DOCK9: variants seen among roughly 807,000 people sequenced by gnomAD.
The protein encoded by DOCK9 is dedicator of cytokinesis protein 9.
DOCK9 carries 89 observed loss-of-function variants against 263.3 expected under a neutral mutation model. The ratio of observed to expected loss-of-function variants is 0.34; its 90% CI spans 0.28 to 0.40. The LOEUF is 0.40. Among genes scored for constraint, DOCK9 ranks in the 10% least tolerant of loss-of-function variants. The probability of loss-of-function intolerance (pLI) is 1.00; values close to 1 mark genes in which losing one functional copy is unlikely to be tolerated. For synonymous variants in DOCK9, 976 were observed against 973.1 expected (o/e 1.00, Z -0.06); for missense variants, 2,140 against 2,603.4 (o/e 0.82, Z 3.87).
In DOCK9 at chr13:98,863,585, A is replaced by G. The variant is rs753404383; in HGVS notation, c.3287-37T>C. ...ATAGAAACTACTTGAGTTAGGAAAG[A>G]TGCAATGCTCTTTGAATAAAACAAA... On this transcript the variant is annotated intron_variant, in intron 30 of 52. Transcript: ENST00000682017. The G allele has an allele frequency of 1.9e-6, 3 of 1,558,022 alleles. No homozygotes were observed. The Admixed American group carries it at 5.7e-5, about 30-fold the overall frequency.
At position 99,053,139 on chromosome 13, in the gene DOCK9, G is replaced by A. The variant is rs553650258; in HGVS notation, c.129+33084C>T. Among the ~76,000 whole-genome samples, 16 of 152,158 alleles carry A rather than the reference G, an allele frequency of 1.1e-4. No homozygotes were observed. The East Asian group carries it at 1.2e-3, about 11-fold the overall frequency. On this transcript the variant is annotated intron_variant, in intron 1 of 32. Coordinates refer to the DOCK9 transcript ENST00000427887. ...AGATTACCACTAACATCACTCCTGC[G>A]CCCTCTCCCAGCTGCCACTGTGTTC...
At chr13:98,889,428 A>G (rs1473930725) in intron 15 of DOCK9, among the ~76,000 whole-genome samples, 1 of 152,368 alleles carries the variant, frequency 6.6e-6, no homozygotes, top group East Asian at 1.9e-4. Context: ...CATCACCATC[A>G]GGAACTAGAA....
At chr13:98,797,077 C>A in intron 52 of DOCK9, 38 bp downstream of exon 52, 4 of 1,613,224 alleles carry the variant, frequency 2.5e-6, no homozygotes, top group Non-Finnish European at 3.4e-6. Flanking sequence ...AACCCCTAAC[C>A]AAGAACTCCA....
chr13:98,958,222 TCCCTGCGGGCAGCCATCTAAAAAG>T (rs2058275612), intron 1 of DOCK9, among the ~76,000 whole-genome samples: 1 of 152,230 alleles, frequency 6.6e-6, no homozygotes, highest in Non-Finnish European at 1.5e-5. Context: ...TGCACTGGCA[TCCCTGCGGGCAGCCATCTAAAAAG>T]CCCTGCTGCC....
intron 1 of DOCK9, among the ~76,000 whole-genome samples, chr13:99,002,612 T>C (rs1302201775): frequency 6.6e-6 from 1 of 152,230 alleles, no homozygotes; most frequent in Non-Finnish European, 1.5e-5. Context: ...TAATGTTACC[T>C]TTTGCTTCCC....
At chr13:98,888,569 C>A in intron 16 of DOCK9, 22 bp from the exon 17 acceptor site, 1 of 1,612,308 alleles carries the variant, frequency 6.2e-7, no homozygotes, top group Non-Finnish European at 8.5e-7. Context: ...TTCAAAATAA[C>A]TCAAACTGAA....
intron 15 of DOCK9, among the ~76,000 whole-genome samples, chr13:98,894,070 G>A (rs2047023247): frequency 6.6e-6 from 1 of 152,114 alleles, no homozygotes; most frequent in African/African-American, 2.4e-5. Context: ...CAGGCTTTCT[G>A]CTCCCATCAC....
chr13:98,934,878 A>T (rs1189532023), intron 2 of DOCK9, among the ~76,000 whole-genome samples: 1 of 152,208 alleles, frequency 6.6e-6, no homozygotes, highest in East Asian at 1.9e-4. Context: ...TCCACACCTT[A>T]CTGGGTCCCT....
chr13:98,954,040 G>A (rs547009957), intron 2 of DOCK9, among the ~76,000 whole-genome samples: 2 of 152,078 alleles, frequency 1.3e-5, no homozygotes, highest in South Asian at 2.1e-4. Flanking sequence ...TTCAAGGATC[G>A]TAATTTAACA....
At chr13:99,056,852 C>T (rs1352042777) in intron 1 of DOCK9, among the ~76,000 whole-genome samples, 1 of 152,232 alleles carries the variant, frequency 6.6e-6, no homozygotes, top group East Asian at 1.9e-4. Context: ...TGAGGAAAGA[C>T]AGTGGCCCTG....
intron 1 of DOCK9, among the ~76,000 whole-genome samples, chr13:99,040,436 C>T (rs1049345829): frequency 6.6e-6 from 1 of 151,222 alleles, no homozygotes; most frequent in African/African-American, 2.4e-5. Flanking sequence ...AACAAAAAAA[C>T]AAAAAAAATC....
intron 1 of DOCK9, among the ~76,000 whole-genome samples, chr13:99,022,745 C>T (rs183561661): frequency 6.6e-6 from 1 of 152,278 alleles, no homozygotes; most frequent in Admixed American, 6.5e-5. Context: ...GAGTTCAAGA[C>T]CAGCCTGAGC....
chr13:98,831,334 TA>T lies in DOCK9; in HGVS notation c.4635+13del. ...ACAGAGTAAATCTGTATTGGAAAGC[TA>T]AACCACACGCACTTGCAAATGTGTC... On this transcript the variant is annotated intron_variant, in intron 41 of 52. Coordinates refer to ENST00000682017, the MANE Select transcript of DOCK9 (RefSeq NM_001366683.2). 1 of 1,595,252 alleles carries T rather than the reference TA, an allele frequency of 6.3e-7. No individual in the cohort carries two copies. The highest frequency in any genetic ancestry group is 1.7e-5 in the Admixed American group (1 of 57,834).
chr13:98,829,433 G>A lies in DOCK9; in HGVS notation c.4839C>T (p.Asn1613=), dbSNP rs761564074. ...GGAGGTCCACCAGCATCTCTGGGTC[G>A]TTCTCATGCTCCTTCATCTGGGCGG... The part of the protein sequence containing the change: ...MATAQMKEHE[N]DPEMLVDLQY... Residue 1613 remains asparagine, a synonymous_variant, in exon 43 of 53, where the codon AAC becomes AAT. Coordinates refer to ENST00000682017, the MANE Select transcript of DOCK9 (RefSeq NM_001366683.2). The surrounding 1 kb of genome is among the most constrained non-coding windows in gnomAD (Gnocchi z 4.1). 9.5e-5 allele frequency: 153 copies of A among 1,613,944 alleles called. No homozygotes were observed. The highest frequency in any genetic ancestry group is 7.2e-5 in the Non-Finnish European group (85 of 1,179,870).
At chr13:98,815,682 C>T (rs1432930945) in intron 45 of DOCK9, among the ~76,000 whole-genome samples, 1 of 152,102 alleles carries the variant, frequency 6.6e-6, no homozygotes, top group East Asian at 1.9e-4. Flanking sequence ...GGGGTTTCAC[C>T]ATGTTAGCCA....
rs369541188 is a variant in DOCK9, at chr13:98,848,534, A to C, written c.4061+58T>G. The C allele has an allele frequency of 4.9e-4, 760 of 1,562,198 alleles. 3 individuals carry two copies. Among genetic ancestry groups the C allele is most frequent in the Non-Finnish European group, 5.1e-4 (587 of 1,147,178 alleles). On this transcript the variant is annotated intron_variant, in intron 37 of 52. Transcript: ENST00000682017. ...CCGCCACTGATGACCAATCCCACAC[A>C]ATCAGAGCCAGGCATCACAGAAAAC...
chr13:98,807,622 C>A, intron 48 of DOCK9, 39 bp downstream of exon 48: 1 of 1,523,924 alleles, frequency 6.6e-7, no homozygotes, highest in Non-Finnish European at 8.9e-7. Context: ...TCAATCACAA[C>A]ATTACATTGC....
At chr13:99,033,190 T>C (rs996773738) in intron 1 of DOCK9, among the ~76,000 whole-genome samples, 3 of 152,244 alleles carry the variant, frequency 2.0e-5, no homozygotes, top group Non-Finnish European at 4.4e-5. Context: ...TCTAATTTCT[T>C]ATATAGCATA....
At chr13:98,962,063 C>T (rs2058695805) in intron 1 of DOCK9, among the ~76,000 whole-genome samples, 1 of 152,164 alleles carries the variant, frequency 6.6e-6, no homozygotes, top group South Asian at 2.1e-4. Context: ...CTAGAAGAAA[C>T]TTTTCTAAAC....
Sources: allele counts gnomAD v4.1 joint callset (sites outside exome capture counted in the v4.1 genomes callset), GRCh38; gene constraint gnomAD v4.1.1; non-coding constraint Gnocchi (gnomAD v3.1); transcripts MANE v1.5; gene names NCBI Gene and HGNC (gene_info 2026-07-23, HGNC 2026-07-21).